The following CUBN variants were observed in gnomAD, a reference collection of about 807,000 sequenced individuals.
CUBN encodes the protein 460 kDa receptor.
CUBN carries 282 observed loss-of-function variants against 405.3 expected under a neutral mutation model. The ratio of observed to expected loss-of-function variants is 0.70; its 90% CI spans 0.63 to 0.77. The LOEUF (loss-of-function observed/expected upper bound fraction) is 0.77. Ranked by LOEUF, CUBN falls within the 30% of genes least tolerant of loss-of-function variation. The pLI, the probability that CUBN is intolerant of heterozygous loss-of-function variation, is 0.00. For synonymous variants in CUBN, 1,684 were observed against 1,617.0 expected, an observed-to-expected ratio of 1.04 and a Z score of -0.99; for missense variants, 4,514 against 4,475.2, an observed-to-expected ratio of 1.01 and a Z score of -0.25.
intron 17 of CUBN, among the ~76,000 whole-genome samples, chr10:17,083,874 C>A (rs1326689944): frequency 3.3e-5 from 5 of 152,094 alleles, no homozygotes; most frequent in African/African-American, 1.2e-4. Flanking sequence ...GTATTACAAT[C>A]ATTACCCACA....
chr10:16,825,231 A>T, intron 66 of CUBN, 149 bp from the exon 67 acceptor site: 1 of 630,928 alleles, frequency 1.6e-6, no homozygotes, highest in Non-Finnish European at 2.8e-6. Context: ...AACCTTGCAA[A>T]GAATGAATGC....
chr10:16,961,582 C>G (rs1002312125), intron 31 of CUBN, among the ~76,000 whole-genome samples: 1 of 152,114 alleles, frequency 6.6e-6, no homozygotes, highest in African/African-American at 2.4e-5. Flanking sequence ...ATAAAGAAGC[C>G]AAGCAAAGGG....
intron 27 of CUBN, chr10:17,023,679 G>C: frequency 2.2e-6 from 1 of 455,228 alleles, no homozygotes; most frequent in Non-Finnish European, 4.4e-6. Flanking sequence ...TGCTTTTAGA[G>C]AGCCTGAAGA....
At chr10:16,849,781 C>T (rs998768023) in intron 60 of CUBN, among the ~76,000 whole-genome samples, 3 of 152,180 alleles carry the variant, frequency 2.0e-5, no homozygotes, top group Non-Finnish European at 2.9e-5. Context: ...CTGGAGCCCT[C>T]CCAGCCTCCT....
rs928801309 is a variant in CUBN at position 17,019,936 on chromosome 10, C to A, written c.4065G>T (p.Leu1355=). The A allele has an allele frequency of 6.2e-7, 1 of 1,614,004 alleles. No homozygotes were observed. Among genetic ancestry groups the A allele is most frequent in the Non-Finnish European group, 8.5e-7 (1 of 1,179,992 alleles). Residue 1355 remains leucine (L), a synonymous_variant, in exon 28 of 67, where the codon CTG becomes CTT. Coordinates refer to ENST00000377833, the MANE Select transcript of CUBN (RefSeq NM_001081.4). ...RQMGRYCGVD[L]PPPGSTTSSK... Reference sequence around the variant, plus strand: ...AGCTTGTAGTACTCCCTGGAGGGGGCAGGTCTACTCCACAGTAGCGTCCCA... The same window carrying A: ...AGCTTGTAGTACTCCCTGGAGGGGGAAGGTCTACTCCACAGTAGCGTCCCA...
chr10:17,040,021 T>C (rs545623682), intron 27 of CUBN, among the ~76,000 whole-genome samples: 2 of 152,302 alleles, frequency 1.3e-5, no homozygotes, highest in African/African-American at 4.8e-5. Flanking sequence ...AGTTTTCCTA[T>C]ACAACTTGTA....
intron 32 of CUBN, 100 bp downstream of exon 32, chr10:16,954,289 G>A (rs1588515740): frequency 1.5e-6 from 2 of 1,309,796 alleles, no homozygotes; most frequent in Non-Finnish European, 2.2e-6. Context: ...TTAAGTAGAA[G>A]GCTGTGATCA....
intron 27 of CUBN, 63 bp from the exon 28 acceptor site, chr10:17,020,046 G>T: frequency 6.3e-7 from 1 of 1,577,354 alleles, no homozygotes; most frequent in Non-Finnish European, 8.7e-7. Flanking sequence ...AAAAATCCAA[G>T]TCTACACAAG....
At chr10:16,872,344 A>C (rs1374065932) in intron 58 of CUBN, among the ~76,000 whole-genome samples, 1 of 112,974 alleles carries the variant, frequency 8.9e-6, no homozygotes, top group East Asian at 2.3e-4. Flanking sequence ...TAGATTGTAT[A>C]CATACATATA....
intron 65 of CUBN, 114 bp from the exon 66 acceptor site, chr10:16,829,154 T>C (rs1295248608): frequency 1.3e-6 from 1 of 779,966 alleles, no homozygotes; most frequent in African/African-American, 1.7e-5. Context: ...GCAAGAATAA[T>C]GGAGGCAGAA....
At chr10:16,904,181 T>C in intron 50 of CUBN, 66 bp from the exon 51 acceptor site, 1 of 1,466,976 alleles carries the variant, frequency 6.8e-7, no homozygotes, top group South Asian at 1.1e-5. Flanking sequence ...TCAATGAATT[T>C]GATAAAAACA....
Position 16,988,447 on chromosome 10 carries a change from C to T in CUBN, c.4350+1887G>A, listed in dbSNP as rs140973746. ...CAACAGTCCTTCCGTGAAGACTTTC[C>T]AGTTCTATCTGATTTCATTTACAAT... is the stretch of plus-strand genomic sequence containing the variant. On this transcript the variant is annotated intron_variant, in intron 29 of 66. Transcript: ENST00000377833. Among the ~76,000 whole-genome samples the T allele has an allele frequency of 9.2e-4, 140 of 152,246 alleles. 2 individuals are homozygous for T. The East Asian group carries it at 0.025, about 27-fold the overall frequency.
rs1217791823 is a variant in CUBN at position 16,870,679 on chromosome 10, T to G, written c.9237-826A>C. Among the ~76,000 whole-genome samples, 5 of 152,246 alleles carry G rather than the reference T, an allele frequency of 3.3e-5. No individual in the cohort carries two copies. In the South Asian group the frequency reaches 1.0e-3, roughly 32 times the overall value. On this transcript the variant is annotated intron_variant, in intron 58 of 66. Transcript: ENST00000377833. ...CGAAGCTTCCATCAGCCTGGGTTGT[T>G]GGATGACCACGATGAGCAGAGCTTC... is the stretch of plus-strand genomic sequence containing the variant.
intron 31 of CUBN, among the ~76,000 whole-genome samples, chr10:16,971,690 C>T (rs1466441135): frequency 6.6e-6 from 1 of 152,136 alleles, no homozygotes; most frequent in East Asian, 1.9e-4. Flanking sequence ...TAGAACCAAT[C>T]TGGCGCTTCT....
chr10:16,846,988 T>C (rs1025609023), intron 60 of CUBN, among the ~76,000 whole-genome samples: 2 of 151,982 alleles, frequency 1.3e-5, no homozygotes, highest in Non-Finnish European at 2.9e-5. Context: ...AGGGAGTGAG[T>C]TTCTGTTCAT....
chr10:16,882,958 G>A lies in CUBN; in HGVS notation c.8905+5459C>T, dbSNP rs1441660604. Among the ~76,000 whole-genome samples, 3 of 151,938 alleles carry A rather than the reference G, an allele frequency of 2.0e-5. No individual in the cohort carries two copies. The South Asian group carries it at 6.2e-4, about 32-fold the overall frequency. On this transcript the variant is annotated intron_variant, in intron 56 of 66. Coordinates refer to ENST00000377833, the MANE Select transcript of CUBN (RefSeq NM_001081.4). ...GAACCTGGGAAGCGGAGGTTGCAGT[G>A]AGCTGAGATCGCACCACTGTAGTCC... is the stretch of plus-strand genomic sequence containing the variant.
chr10:17,122,972 G>T, intron 5 of CUBN, 74 bp from the exon 6 acceptor site: 3 of 1,008,582 alleles, frequency 3.0e-6, no homozygotes, highest in East Asian at 2.4e-5. Context: ...CACATGATAC[G>T]TTTAAGGATT....
chr10:16,966,453 A>ATT (rs58278501), intron 31 of CUBN, among the ~76,000 whole-genome samples: 68 of 147,836 alleles, frequency 4.6e-4, no homozygotes, highest in African/African-American at 9.2e-4. Flanking sequence ...GCTTTACTAC[A>ATT]TTTTTTTTTT....
intron 8 of CUBN, 129 bp from the exon 9 acceptor site, chr10:17,111,179 C>A (rs1836764373): frequency 2.8e-6 from 3 of 1,082,576 alleles, no homozygotes; most frequent in South Asian, 2.8e-5. Flanking sequence ...ATATGCTTAT[C>A]AGATTGGCAA....
Sources: gnomAD v4.1 joint callset for allele counts (sites outside exome capture counted in the v4.1 genomes callset) on GRCh38, gnomAD v4.1.1 for gene constraint, MANE v1.5 for transcripts, NCBI Gene and HGNC (gene_info 2026-07-23, HGNC 2026-07-21) for gene names.